The following NAT10 variants were observed in gnomAD, a reference collection of about 807,000 sequenced individuals.
NAT10 encodes RNA cytidine acetyltransferase.
In NAT10, 109 loss-of-function variants were observed where a neutral mutation model predicts 132.2. The observed-to-expected ratio is 0.82, with a 90% CI of 0.71 to 0.97. NAT10 has a LOEUF of 0.97. Ranked by LOEUF, NAT10 falls within the 50% of genes least tolerant of loss-of-function variation. The probability of loss-of-function intolerance (pLI) is 0.00; values close to 1 mark genes in which losing one functional copy is unlikely to be tolerated. For missense variants in NAT10, 1,184 were observed against 1,263.4 expected, an observed-to-expected ratio of 0.94 and a Z score of 0.95; for synonymous variants, 479 against 478.0, an observed-to-expected ratio of 1.00 and a Z score of -0.03.
chr11:34,141,570 C>T (rs562705221), intron 25 of NAT10, 149 bp from the exon 26 acceptor site: 37 of 712,586 alleles, frequency 5.2e-5, no homozygotes, highest in Non-Finnish European at 7.7e-5. Flanking sequence ...CAGCTCTTCC[C>T]GCTAATATCC....
intron 15 of NAT10, 87 bp downstream of exon 15, chr11:34,132,308 C>G (rs1852120513): frequency 1.8e-6 from 2 of 1,088,574 alleles, no homozygotes; most frequent in South Asian, 2.5e-5. Flanking sequence ...TATTTTATTA[C>G]CCAATGGCTT....
intron 18 of NAT10, among the ~76,000 whole-genome samples, 164 bp from the exon 19 acceptor site, chr11:34,135,011 A>C (rs1311983699): frequency 2.0e-5 from 3 of 152,152 alleles, no homozygotes; most frequent in Admixed American, 2.0e-4. Flanking sequence ...TTCAGTCTTA[A>C]GTGTCTCTGC....
intron 12 of NAT10, among the ~76,000 whole-genome samples, chr11:34,129,363 G>A (rs1852058803): frequency 6.6e-6 from 1 of 152,054 alleles, no homozygotes; most frequent in Non-Finnish European, 1.5e-5. Flanking sequence ...ATTCTCATTT[G>A]CATTTCCTGG....
intron 12 of NAT10, among the ~76,000 whole-genome samples, chr11:34,130,005 G>C (rs935616949): frequency 3.9e-5 from 6 of 152,092 alleles, no homozygotes; most frequent in Admixed American, 3.3e-4. Flanking sequence ...GGATACTTTT[G>C]GGAGAGCTTT....
intron 10 of NAT10, 127 bp downstream of exon 10, chr11:34,123,982 C>T (rs1195773317): frequency 2.9e-6 from 2 of 680,920 alleles, no homozygotes; most frequent in Admixed American, 2.6e-5. Flanking sequence ...CCAGCCTGAC[C>T]AACATAGAGA....
At chr11:34,116,842 C>T (rs1404449254) in intron 6 of NAT10, among the ~76,000 whole-genome samples, 1 of 151,882 alleles carries the variant, frequency 6.6e-6, no homozygotes, top group Non-Finnish European at 1.5e-5. Context: ...TGATCTGCCC[C>T]ACTCAGTCTC....
Position 34,127,515 on chromosome 11 carries a change from T to G in NAT10, c.1160T>G (p.Ile387Ser). 1 of 1,614,182 alleles carries G rather than the reference T, an allele frequency of 6.2e-7. No individual in the cohort carries two copies. Residue 387 changes from isoleucine (I) to serine (S), a missense_variant, in exon 12 of 29, where the codon ATT (isoleucine) becomes AGT (serine). Physicochemically the swap from Ile to Ser is moderately radical, Grantham distance 142. Transcript: ENST00000257829. ...VKLGQAELVV[I>S]DEAAAIPLPL... ...CTGGGCCAGGCTGAACTAGTTGTGA[T>G]TGATGAAGCTGCCGCCATCCCCCTC... is the stretch of plus-strand genomic sequence containing the variant.
intron 21 of NAT10, 28 bp from the exon 22 acceptor site, chr11:34,139,163 G>C: frequency 6.3e-7 from 1 of 1,596,588 alleles, no homozygotes; most frequent in Non-Finnish European, 8.6e-7. Flanking sequence ...GGGGTTCTTG[G>C]TGCCAGTTAA....
chr11:34,128,967 A>G (rs2132960610), intron 12 of NAT10, among the ~76,000 whole-genome samples: 1 of 152,358 alleles, frequency 6.6e-6, no homozygotes, highest in East Asian at 1.9e-4. Flanking sequence ...TGTAGCATGT[A>G]TCAGTATTTC....
In NAT10 at chr11:34,132,136, A is replaced by C; in HGVS notation, c.1532A>C (p.Asn511Thr). 2 of 1,613,662 alleles carry C rather than the reference A, an allele frequency of 1.2e-6. No individual in the cohort carries two copies. Among genetic ancestry groups the C allele is most frequent in the South Asian group, 2.2e-5 (2 of 91,074 alleles). ...LPEACELYYV[N>T]RDTLFCYHKA... is the part of the protein sequence containing the mutation. Reference sequence around the variant, plus strand: ...AACTCCAGACCCAGGTACTATGTTAATAGAGATACCCTCTTTTGCTACCAC... The same window carrying C: ...AACTCCAGACCCAGGTACTATGTTACTAGAGATACCCTCTTTTGCTACCAC... Residue 511 changes from asparagine (N) to threonine (T), a missense_variant, in exon 15 of 29, where the codon AAT becomes ACT. Physicochemically the swap from Asn to Thr is moderately conservative, Grantham distance 65 (BLOSUM62 0). Transcript: ENST00000257829.
intron 24 of NAT10, 78 bp downstream of exon 24, chr11:34,140,650 T>C (rs1397735714): frequency 6.8e-7 from 1 of 1,467,630 alleles, no homozygotes; most frequent in Non-Finnish European, 9.3e-7. Flanking sequence ...GGTTGGGCAC[T>C]TGGACATAAT....
intron 6 of NAT10, among the ~76,000 whole-genome samples, chr11:34,117,385 C>T (rs916762155): frequency 2.0e-5 from 3 of 152,032 alleles, no homozygotes; most frequent in South Asian, 4.2e-4. Flanking sequence ...TGGTGGGTGC[C>T]GTGGGCATCC....
intron 6 of NAT10, among the ~76,000 whole-genome samples, chr11:34,117,140 T>G (rs1462753830): frequency 2.6e-5 from 4 of 152,226 alleles, no homozygotes; most frequent in African/African-American, 9.6e-5. Context: ...CAGCCTGTTG[T>G]AATCTCTGAA....
intron 12 of NAT10, among the ~76,000 whole-genome samples, chr11:34,128,446 G>T (rs535497211): frequency 6.6e-6 from 1 of 151,080 alleles, no homozygotes; most frequent in South Asian, 2.1e-4. Context: ...CATTTTCTCT[G>T]CATTTATTTT....
At chr11:34,122,392 G>A in intron 8 of NAT10, 67 bp from the exon 9 acceptor site, 1 of 1,601,010 alleles carries the variant, frequency 6.2e-7, no homozygotes, top group Admixed American at 1.7e-5. Flanking sequence ...TCTCCACAGT[G>A]ATGGTGATGA....
At chr11:34,138,258 C>T (rs887871803) in intron 21 of NAT10, among the ~76,000 whole-genome samples, 1 of 151,906 alleles carries the variant, frequency 6.6e-6, no homozygotes, top group African/African-American at 2.4e-5. Context: ...AGGCAGAGAG[C>T]GTGGGAATGG....
intron 11 of NAT10, 149 bp downstream of exon 11, chr11:34,124,549 G>T (rs1220318060): frequency 4.2e-6 from 2 of 474,638 alleles, no homozygotes; most frequent in Non-Finnish European, 7.3e-6. Context: ...ACCTGTTCCA[G>T]ATTTTCAGAC....
chr11:34,145,938 C>T (rs907679802), intron 28 of NAT10, 146 bp from the exon 29 acceptor site: 2 of 595,032 alleles, frequency 3.4e-6, no homozygotes, highest in Non-Finnish European at 2.9e-6. Flanking sequence ...AATAGGTTTG[C>T]AGAGAACATT....
intron 6 of NAT10, among the ~76,000 whole-genome samples, chr11:34,117,500 A>G (rs1448930403): frequency 6.6e-6 from 1 of 152,102 alleles, no homozygotes; most frequent in African/African-American, 2.4e-5. Flanking sequence ...GAGGTGTAGA[A>G]ATCCGAGCCT....
Sources: gnomAD v4.1 joint callset for allele counts (sites outside exome capture counted in the v4.1 genomes callset) on GRCh38, gnomAD v4.1.1 for gene constraint, MANE v1.5 for transcripts, NCBI Gene and HGNC (gene_info 2026-07-23, HGNC 2026-07-21) for gene names.